RREB1: variants seen among roughly 807,000 people sequenced by gnomAD.
The protein encoded by RREB1 is ras responsive element binding protein 1.
In RREB1, 27 loss-of-function variants were observed where a neutral mutation model predicts 117.8. The ratio of observed to expected loss-of-function variants is 0.23; its 90% CI spans 0.17 to 0.32. The LOEUF is 0.32. Among genes scored for constraint, RREB1 ranks in the 10% least tolerant of loss-of-function variants. RREB1 has a pLI of 1.00. For missense variants in RREB1, 2,577 were observed against 2,378.2 expected (o/e 1.08, Z -1.74); for synonymous variants, 1,298 against 1,026.7 (o/e 1.26, Z -5.05).
chr6:7,109,251 GC>G (rs552947234), intron 1 of RREB1, among the ~76,000 whole-genome samples: 6 of 151,028 alleles, frequency 4.0e-5, no homozygotes, highest in East Asian at 3.9e-4. Flanking sequence ...GCCTGTTGCT[GC>G]CCCCCCCGCC....
intron 1 of RREB1, among the ~76,000 whole-genome samples, chr6:7,110,760 A>C (rs1269302469): frequency 6.6e-6 from 1 of 152,196 alleles, no homozygotes; most frequent in Admixed American, 6.5e-5. Context: ...AAATACTGCT[A>C]AACTGGTTGC....
intron 8 of RREB1, among the ~76,000 whole-genome samples, chr6:7,220,520 A>C (rs1202011292): frequency 6.6e-6 from 1 of 152,202 alleles, no homozygotes; most frequent in East Asian, 1.9e-4. Flanking sequence ...TTTTCTTTAA[A>C]TTCTACAAAG....
At position 7,240,472 on chromosome 6, in the gene RREB1, C is replaced by G. The variant is rs1457555345; in HGVS notation, c.3843C>G (p.Ala1281=). The change falls in exon 11 of 13, where the codon GCC becomes GCG. Residue 1281 remains alanine, a synonymous_variant. Transcript: ENST00000379938. ...CCTTCCCTTGTCAAAAATGCGATGC[C>G]TTCTTTTCTACCAAATCTAACTGTG... ...QKPFPCQKCD[A]FFSTKSNCER... 1 of 1,613,758 alleles carries G rather than the reference C, an allele frequency of 6.2e-7. No individual in the cohort carries two copies. Among genetic ancestry groups the G allele is most frequent in the Non-Finnish European group, 8.5e-7 (1 of 1,179,836 alleles).
chr6:7,173,293 G>A (rs893976718), intron 1 of RREB1, among the ~76,000 whole-genome samples: 4 of 151,956 alleles, frequency 2.6e-5, no homozygotes, highest in South Asian at 2.1e-4. Flanking sequence ...GGGCGGTTTG[G>A]ATCACCTTAG....
At chr6:7,167,250 C>T (rs974381593) in intron 1 of RREB1, among the ~76,000 whole-genome samples, 3 of 151,950 alleles carry the variant, frequency 2.0e-5, no homozygotes, top group Non-Finnish European at 2.9e-5. Flanking sequence ...GATAGCATGG[C>T]GACTGTGTCA....
intron 1 of RREB1, among the ~76,000 whole-genome samples, chr6:7,142,363 C>G (rs903118590): frequency 6.6e-6 from 1 of 152,162 alleles, no homozygotes. Context: ...TCGGCACCAC[C>G]GGGTGCGTCC....
At position 7,229,053 on chromosome 6, in the gene RREB1, C is replaced by T. The variant is rs781269289; in HGVS notation, c.954C>T (p.Cys318=). 50 of 1,563,474 alleles carry T rather than the reference C, an allele frequency of 3.2e-5. No homozygotes were observed. Among genetic ancestry groups the T allele is most frequent in the South Asian group, 4.7e-5 (4 of 85,360 alleles). Residue 318 remains cysteine, a synonymous_variant, in exon 10 of 13, where the codon TGC becomes TGT. Transcript: ENST00000379938. The surrounding 1 kb of genome is among the most constrained non-coding windows in gnomAD (Gnocchi z 4.5). The part of the protein sequence containing the change: ...RCISEQHRFV[C]DTCDKAFPML... ...TCAGCGAGCAACACCGTTTTGTCTG[C>T]GACACCTGTGACAAGGCGTTCCCCA... is the stretch of plus-strand genomic sequence containing the variant.
chr6:7,230,416 C>G lies in RREB1; in HGVS notation c.2317C>G (p.Arg773Gly), dbSNP rs370922636. The G allele has an allele frequency of 8.2e-6, 13 of 1,591,724 alleles. No individual in the cohort carries two copies. The highest frequency in any genetic ancestry group is 1.3e-5 in the African/African-American group (1 of 74,836). The stretch of plus-strand genomic sequence containing the variant: ...CTATCGTGCCCTGCGCATCCACATG[C>G]GCACGCACTGCGGCCGCGGCCTGGG... ...KHYRALRIHM[R>G]THCGRGLGGG... Residue 773 changes from arginine to glycine, a missense_variant, in exon 10 of 13, where the codon CGC becomes GGC. Transcript: ENST00000379938.
At chr6:7,223,757 CAT>C (rs1424901767) in intron 8 of RREB1, among the ~76,000 whole-genome samples, 18 of 152,146 alleles carry the variant, frequency 1.2e-4, no homozygotes, top group Non-Finnish European at 1.8e-4. Flanking sequence ...ACAACAAACA[CAT>C]GTGGAGCACA....
intron 1 of RREB1, among the ~76,000 whole-genome samples, chr6:7,173,573 G>A (rs1764340688): frequency 6.6e-6 from 1 of 151,744 alleles, no homozygotes; most frequent in South Asian, 2.1e-4. Context: ...GAGGCGGGTA[G>A]ATCACTTGAG....
chr6:7,144,972 A>T (rs1010637267), intron 1 of RREB1, among the ~76,000 whole-genome samples: 1 of 152,252 alleles, frequency 6.6e-6, no homozygotes. Flanking sequence ...AAATTGCGAC[A>T]TACAAACATA....
intron 11 of RREB1, among the ~76,000 whole-genome samples, chr6:7,244,765 G>A (rs1411261424): frequency 1.3e-5 from 2 of 152,206 alleles, no homozygotes; most frequent in East Asian, 3.9e-4. Context: ...GCAGATGGCT[G>A]TGGGTAAAGC....
At chr6:7,242,640 GT>G (rs1554128688) in intron 11 of RREB1, among the ~76,000 whole-genome samples, 2 of 111,218 alleles carry the variant, frequency 1.8e-5, no homozygotes, top group South Asian at 7.5e-4. Context: ...TTCATTCTGG[GT>G]TCCCCCCCCC....
intron 1 of RREB1, among the ~76,000 whole-genome samples, chr6:7,144,741 G>A (rs1762783218): frequency 6.6e-6 from 1 of 151,606 alleles, no homozygotes; most frequent in South Asian, 2.1e-4. Context: ...ACTGCTTTTA[G>A]GCCTTGCTTC....
chr6:7,249,027 T>C lies in RREB1; in HGVS notation c.*59T>C, dbSNP rs1416509242. ...AGCAGAGCAAAGCGTCTATACTTCA[T>C]GGGGTTTCCTCAGTGCCCTTTGGCT... On this transcript the variant is annotated 3_prime_UTR_variant, in exon 13 of 13. Coordinates refer to ENST00000379938, the MANE Select transcript of RREB1 (RefSeq NM_001003699.4). 1 of 1,339,732 alleles carries C rather than the reference T, an allele frequency of 7.5e-7. No homozygotes were observed. Among genetic ancestry groups the C allele is most frequent in the African/African-American group, 1.5e-5 (1 of 67,258 alleles). The allele number at this position is 1,339,732 out of a possible 1,614,324, so 83.0% of individuals were successfully genotyped here.
rs1297681323 is a variant in RREB1, at chr6:7,231,330, G to A, written c.3231G>A (p.Ser1077=). 1.4e-5 allele frequency: 22 copies of A among 1,609,840 alleles called. No individual in the cohort carries two copies. The highest frequency in any genetic ancestry group is 3.3e-5 in the Admixed American group (2 of 59,756). Residue 1077 remains serine (S), a synonymous_variant, in exon 10 of 13, where the codon TCG becomes TCA. Transcript: ENST00000379938. ...CCCAGATCATCTCATCTGTATCCTC[G>A]GCCCCCACCCTGCTGAAAACCAAGG... ...SIAQIISSVS[S]APTLLKTKVA...
At chr6:7,226,258 C>T (rs543520349) in intron 8 of RREB1, among the ~76,000 whole-genome samples, 5 of 152,302 alleles carry the variant, frequency 3.3e-5, no homozygotes, top group Admixed American at 3.3e-4. Flanking sequence ...ATTTGGTATC[C>T]AGAAGTTGAT....
chr6:7,136,145 C>A (rs1056340935), intron 1 of RREB1, among the ~76,000 whole-genome samples: 1 of 152,132 alleles, frequency 6.6e-6, no homozygotes, highest in African/African-American at 2.4e-5. Flanking sequence ...GGGGAAAAAA[C>A]CCACCAAACT....
At chr6:7,171,305 A>AG (rs1176292441) in intron 1 of RREB1, among the ~76,000 whole-genome samples, 1 of 152,108 alleles carries the variant, frequency 6.6e-6, no homozygotes, top group Non-Finnish European at 1.5e-5. Context: ...GCAGAGGTGA[A>AG]GGGGGAGGAG....
Sources: allele counts gnomAD v4.1 joint callset (sites outside exome capture counted in the v4.1 genomes callset), GRCh38; gene constraint gnomAD v4.1.1; non-coding constraint Gnocchi (gnomAD v3.1); transcripts MANE v1.5; gene names NCBI Gene and HGNC (gene_info 2026-07-23, HGNC 2026-07-21).